The following ZNF410 variants were observed in gnomAD, a reference collection of about 807,000 sequenced individuals.
The protein encoded by ZNF410 is zinc finger protein 410, also known as another partner for ARF 1.
Under a neutral mutation model 54.8 loss-of-function variants are expected in ZNF410, and 18 were observed. The ratio of observed to expected loss-of-function variants is 0.33; its 90% CI spans 0.23 to 0.49. The LOEUF is 0.49. Ranked by LOEUF, ZNF410 falls within the 20% of genes least tolerant of loss-of-function variation. The pLI, the probability that ZNF410 is intolerant of heterozygous loss-of-function variation, is 0.99. For missense variants in ZNF410, 405 were observed against 569.6 expected, an observed-to-expected ratio of 0.71 and a Z score of 2.94; for synonymous variants, 191 against 207.3, an observed-to-expected ratio of 0.92 and a Z score of 0.68.
chr14:73,904,305 A>G (rs970306651), intron 6 of ZNF410, among the ~76,000 whole-genome samples, 195 bp downstream of exon 6: 1 of 152,200 alleles, frequency 6.6e-6, no homozygotes, highest in Non-Finnish European at 1.5e-5. Context: ...ATATTTAATA[A>G]GACATTTGGG....
intron 6 of ZNF410, 136 bp from the exon 7 acceptor site, chr14:73,904,766 A>T: frequency 1.1e-6 from 1 of 877,738 alleles, no homozygotes; most frequent in Non-Finnish European, 1.6e-6. Flanking sequence ...TATAGTTTTA[A>T]CAAAGTCTTC....
intron 2 of ZNF410, chr14:73,893,346 A>G (rs2055261053): frequency 6.5e-6 from 1 of 152,904 alleles, no homozygotes; most frequent in African/African-American, 2.4e-5. Context: ...CGAACATGGT[A>G]GAGTATACTT....
chr14:73,894,765 A>G (rs1183294372), intron 3 of ZNF410, among the ~76,000 whole-genome samples: 1 of 152,106 alleles, frequency 6.6e-6, no homozygotes, highest in Non-Finnish European at 1.5e-5. Flanking sequence ...CTGGTACGAG[A>G]AGGAAAAAGA....
chr14:73,893,911 T>C lies in ZNF410; in HGVS notation c.148T>C (p.Cys50Arg), dbSNP rs189113783. 6.2e-7 allele frequency: 1 copy of C among 1,612,414 alleles called. No individual in the cohort carries two copies. Among genetic ancestry groups the C allele is most frequent in the Non-Finnish European group, 8.5e-7 (1 of 1,179,522 alleles). ...CCTTCCCGTGACTGAAGCCTCAGAA[T>C]GCAGTCGGCTAATGTTACCAGGTAA... ...SLLPVTEASECSRLMLPDDTT... is the reference protein window; with the variant it reads ...SLLPVTEASERSRLMLPDDTT... Residue 50 changes from cysteine (C) to arginine (R), a missense_variant, in exon 3 of 12, where the codon TGC becomes CGC. Transcript: ENST00000555044.
intron 1 of ZNF410, chr14:73,891,712 GGT>G (rs143996625): frequency 2.4e-3 from 679 of 282,124 alleles, no homozygotes; most frequent in East Asian, 3.3e-3. Flanking sequence ...CCTAATTGGG[GGT>G]GTGTGTGTGT....
intron 5 of ZNF410, chr14:73,898,608 T>C (rs1036232747): frequency 1.7e-5 from 6 of 348,798 alleles, no homozygotes; most frequent in Admixed American, 1.4e-4. Context: ...AGAGCTCTTA[T>C]ACCATCATGA....
rs1427612607 is a variant in ZNF410, at chr14:73,931,979, C to T, written c.*438C>T. ...ACCAGGAAGTTGAGTTTTCAAGATG[C>T]CTTGTTGCTTTGAAGAAGGGAGTGA... On this transcript the variant is annotated 3_prime_UTR_variant, in exon 12 of 12. Coordinates refer to ENST00000555044, the MANE Select transcript of ZNF410 (RefSeq NM_021188.3). 6.6e-6 allele frequency: 3 copies of T among 456,672 alleles called. No homozygotes were observed. Among genetic ancestry groups the T allele is most frequent in the East Asian group, 6.9e-5 (1 of 14,410 alleles). The allele number at this position is 456,672 out of a possible 1,614,324, so 28.3% of individuals were successfully genotyped here.
At chr14:73,903,745 C>T in intron 5 of ZNF410, 1 of 574,298 alleles carries the variant, frequency 1.7e-6, no homozygotes, top group Middle Eastern at 4.7e-4. Flanking sequence ...AAGCAGTCCT[C>T]CCACCTTGGC....
At chr14:73,909,568 G>GAA in intron 8 of ZNF410, 138 bp downstream of exon 8, 1 of 601,314 alleles carries the variant, frequency 1.7e-6, no homozygotes, top group Non-Finnish European at 2.8e-6. Context: ...CATCATGACA[G>GAA]AATCAGAAAT....
In ZNF410 at chr14:73,932,459, C is replaced by A. The variant is rs1386079264; in HGVS notation, c.*918C>A. ...TAAGCCCAGGTGATAGTTACTCTGT[C>A]ACCACCAAAAAAGACGCATCTGAGA... On this transcript the variant is annotated 3_prime_UTR_variant, in exon 12 of 12. Transcript: ENST00000555044. The A allele has an allele frequency of 8.8e-6, 4 of 454,082 alleles. No individual in the cohort carries two copies. Among genetic ancestry groups the A allele is most frequent in the Middle Eastern group, 3.3e-4 (1 of 3,066 alleles). The allele number at this position is 454,082 out of a possible 1,614,324, so 28.1% of individuals were successfully genotyped here.
intron 11 of ZNF410, among the ~76,000 whole-genome samples, chr14:73,929,252 A>G (rs1268094795): frequency 6.6e-6 from 1 of 151,556 alleles, no homozygotes; most frequent in Non-Finnish European, 1.5e-5. Flanking sequence ...GGGTCCTCCA[A>G]TACCTTCAGT....
rs1274246865 is a variant in ZNF410 at position 73,932,029 on chromosome 14, C to T, written c.*488C>T. ...ATGTCAATTCTCTTGTTACATTCTC[C>T]CTTTAGCAACCTGAGTAAGAGACTC... On this transcript the variant is annotated 3_prime_UTR_variant, in exon 12 of 12. Coordinates refer to ENST00000555044, the MANE Select transcript of ZNF410 (RefSeq NM_021188.3). 1.1e-5 allele frequency: 5 copies of T among 456,408 alleles called. No individual in the cohort carries two copies. The highest frequency in any genetic ancestry group is 2.2e-5 in the Non-Finnish European group (5 of 226,764). 28.3% of individuals were successfully genotyped at this position (456,408 alleles called of 1,614,324 possible).
chr14:73,932,201 T>G lies in ZNF410; in HGVS notation c.*660T>G. ...GTAGCATGTTAAGAGGGATTTCATG[T>G]TTTTGTTTTTTTAAAGTTAAAAATT... On this transcript the variant is annotated 3_prime_UTR_variant, in exon 12 of 12. Transcript: ENST00000555044. The G allele has an allele frequency of 3.0e-6, 1 of 337,970 alleles. No homozygotes were observed. Among genetic ancestry groups the G allele is most frequent in the South Asian group, 2.4e-5 (1 of 41,966 alleles). 20.9% of individuals were successfully genotyped at this position (337,970 alleles called of 1,614,324 possible). A position where few individuals can be genotyped will look rare whatever the true frequency, so the allele number is the denominator to read the frequency against.
In ZNF410 at chr14:73,932,378, T is replaced by C. The variant is rs1296401376; in HGVS notation, c.*837T>C. The C allele has an allele frequency of 4.7e-6, 2 of 427,864 alleles. No individual in the cohort carries two copies. Among genetic ancestry groups the C allele is most frequent in the Non-Finnish European group, 9.1e-6 (2 of 219,120 alleles). 26.5% of individuals were successfully genotyped at this position (427,864 alleles called of 1,614,324 possible). On this transcript the variant is annotated 3_prime_UTR_variant, in exon 12 of 12. Coordinates refer to ENST00000555044, the MANE Select transcript of ZNF410 (RefSeq NM_021188.3). ...GTATTGATTTACCCTTAGGATTCCA[T>C]ACCAGTAAAACTGAACCGAGGAGTC...
chr14:73,898,289 C>T (rs2055353833), intron 5 of ZNF410, 27 bp downstream of exon 5: 28 of 1,612,300 alleles, frequency 1.7e-5, no homozygotes, highest in Non-Finnish European at 2.1e-5. Flanking sequence ...TTTTCCTTGC[C>T]ACTATTCTGT....
chr14:73,904,047 T>C lies in ZNF410; in HGVS notation c.668T>C (p.Val223Ala), dbSNP rs374718824. The part of the protein sequence containing the change: ...PQVEKKLKCT[V>A]EGCDRTFVWP... The stretch of plus-strand genomic sequence containing the variant: ...GTGGAAAAGAAGCTCAAGTGTACAG[T>C]TGAAGGTTGTGACCGGACATTTGTA... The change falls in exon 6 of 12, where the codon GTT becomes GCT. Residue 223 changes from valine (V) to alanine (A), a missense_variant. Transcript: ENST00000555044. The C allele has an allele frequency of 3.7e-5, 59 of 1,614,022 alleles. No homozygotes were observed. The highest frequency in any genetic ancestry group is 5.3e-5 in the African/African-American group (4 of 74,906).
intron 8 of ZNF410, among the ~76,000 whole-genome samples, chr14:73,912,309 AC>A (rs1303905416): frequency 2.7e-5 from 4 of 149,300 alleles, no homozygotes; most frequent in African/African-American, 1.0e-4. Context: ...AGCTGGTATT[AC>A]AGGCGCGTGC....
rs1167580758 is a variant in ZNF410, at chr14:73,897,990, A to AC, written c.389-81_389-80insC. ...CCGTCTCAAAAAAAAAAAAAAAAAA[A>AC]GGGACATGGAGAGTCTCTGAGCCAG... On this transcript the variant is annotated intron_variant, in intron 4 of 11. Transcript: ENST00000555044. The AC allele has an allele frequency of 7.6e-5, 90 of 1,187,368 alleles. No individual in the cohort carries two copies. The Middle Eastern group carries it at 1.1e-3, about 15-fold the overall frequency. The allele number at this position is 1,187,368 out of a possible 1,614,324, so 73.6% of individuals were successfully genotyped here.
intron 1 of ZNF410, among the ~76,000 whole-genome samples, chr14:73,890,692 C>CT (rs2055215802): frequency 6.6e-6 from 1 of 152,048 alleles, no homozygotes; most frequent in African/African-American, 2.4e-5. Context: ...TGAAAAGAAA[C>CT]TAAGCTATAA....
Sources: allele counts gnomAD v4.1 joint callset (sites outside exome capture counted in the v4.1 genomes callset), GRCh38; gene constraint gnomAD v4.1.1; transcripts MANE v1.5; gene names NCBI Gene and HGNC (gene_info 2026-07-23, HGNC 2026-07-21).